The following ADAMTS3 variants were observed in gnomAD, a reference collection of about 807,000 sequenced individuals.
ADAMTS3 encodes A disintegrin and metalloproteinase with thrombospondin motifs 3.
In ADAMTS3, 73 loss-of-function variants were observed where a neutral mutation model predicts 129.0. The ratio of observed to expected loss-of-function variants is 0.57; its 90% CI spans 0.47 to 0.69. The LOEUF (loss-of-function observed/expected upper bound fraction) is 0.69. ADAMTS3 is among the 30% of genes least tolerant of loss of function. The pLI, the probability that ADAMTS3 is intolerant of heterozygous loss-of-function variation, is 0.00. For missense variants in ADAMTS3, 1,457 were observed against 1,514.5 expected (o/e 0.96, Z 0.63); for synonymous variants, 477 against 510.8 (o/e 0.93, Z 0.89).
In ADAMTS3 at chr4:72,509,807, T is replaced by TA. The variant is rs35858183; in HGVS notation, c.504+38670dup. Among the ~76,000 whole-genome samples the TA allele has an allele frequency of 6.8e-3, 1,005 of 147,900 alleles. 2 individuals carry two copies. The highest frequency in any genetic ancestry group is 0.02 in the African/African-American group (806 of 40,740). On this transcript the variant is annotated intron_variant, in intron 3 of 21. Coordinates refer to ENST00000286657, the MANE Select transcript of ADAMTS3 (RefSeq NM_014243.3). Reference sequence around the variant, plus strand: ...TTACCAAAACCAGACAAAGACACATTAAAAAAAAAAAACTACAGGTGAGTA... The same window carrying TA: ...TTACCAAAACCAGACAAAGACACATTAAAAAAAAAAAAACTACAGGTGAGTA...
At chr4:72,372,834 T>C (rs1328205993) in intron 4 of ADAMTS3, among the ~76,000 whole-genome samples, 3 of 152,148 alleles carry the variant, frequency 2.0e-5, no homozygotes, top group Admixed American at 2.0e-4. Context: ...GAAGGACACA[T>C]AGTTTTATGT....
At chr4:72,301,905 G>A (rs942693360) in intron 17 of ADAMTS3, among the ~76,000 whole-genome samples, 1 of 152,028 alleles carries the variant, frequency 6.6e-6, no homozygotes, top group African/African-American at 2.4e-5. Flanking sequence ...ATGGGTCCAT[G>A]ACTGAGGGTT....
intron 3 of ADAMTS3, among the ~76,000 whole-genome samples, chr4:72,474,924 G>C (rs2109997955): frequency 6.6e-6 from 1 of 151,230 alleles, no homozygotes; most frequent in South Asian, 2.1e-4. Flanking sequence ...CTACTTGGGA[G>C]GCTGAGGCAG....
At chr4:72,418,188 T>C (rs888021790) in intron 3 of ADAMTS3, among the ~76,000 whole-genome samples, 9 of 151,964 alleles carry the variant, frequency 5.9e-5, no homozygotes, top group Admixed American at 1.3e-4. Flanking sequence ...GTAGGAACAG[T>C]TGATTTTTCA....
chr4:72,541,900 T>C (rs1721337658), intron 3 of ADAMTS3, among the ~76,000 whole-genome samples: 1 of 152,172 alleles, frequency 6.6e-6, no homozygotes, highest in Non-Finnish European at 1.5e-5. Context: ...TGGACTAATA[T>C]ACACCCTAAA....
chr4:72,371,343 TA>T (rs879725777), intron 4 of ADAMTS3, among the ~76,000 whole-genome samples: 39 of 150,776 alleles, frequency 2.6e-4, no homozygotes, highest in Non-Finnish European at 5.5e-4. Context: ...AAGGTTAAAA[TA>T]AAAAAATTAA....
At chr4:72,328,247 G>A (rs1719748233) in intron 5 of ADAMTS3, among the ~76,000 whole-genome samples, 1 of 152,190 alleles carries the variant, frequency 6.6e-6, no homozygotes, top group African/African-American at 2.4e-5. Context: ...ATGACCTGAT[G>A]TTGGAAGAGT....
chr4:72,567,797 C>G (rs1041210268), intron 1 of ADAMTS3, among the ~76,000 whole-genome samples: 1 of 152,210 alleles, frequency 6.6e-6, no homozygotes, highest in African/African-American at 2.4e-5. Flanking sequence ...CAATTCTCTA[C>G]TTTTTACCCT....
At chr4:72,461,977 A>G (rs1296673069) in intron 3 of ADAMTS3, among the ~76,000 whole-genome samples, 1 of 151,956 alleles carries the variant, frequency 6.6e-6, no homozygotes, top group Non-Finnish European at 1.5e-5. Context: ...ACATAAATTT[A>G]TCAAGCATTT....
At chr4:72,458,850 A>C (rs1472281679) in intron 3 of ADAMTS3, among the ~76,000 whole-genome samples, 2 of 151,604 alleles carry the variant, frequency 1.3e-5, no homozygotes, top group Admixed American at 1.3e-4. Context: ...ACAAGGCTGA[A>C]TGTAACCAGG....
chr4:72,556,381 C>T (rs2623538), intron 2 of ADAMTS3, among the ~76,000 whole-genome samples: 146,172 of 151,756 alleles, frequency 0.96, 70,803 homozygotes, highest in East Asian at 1. Flanking sequence ...TAGGGGATAC[C>T]AGATGTCCCC....
chr4:72,323,778 G>A (rs946541475), intron 5 of ADAMTS3, among the ~76,000 whole-genome samples: 29 of 152,100 alleles, frequency 1.9e-4, no homozygotes, highest in African/African-American at 6.8e-4. Context: ...AAAAAATTAG[G>A]CTGAAATTTC....
At chr4:72,508,212 T>C (rs573659647) in intron 3 of ADAMTS3, among the ~76,000 whole-genome samples, 1 of 152,272 alleles carries the variant, frequency 6.6e-6, no homozygotes, top group Non-Finnish European at 1.5e-5. Flanking sequence ...CTCCTCTCTA[T>C]AAATTACAGC....
At chr4:72,541,252 C>T (rs566871354) in intron 3 of ADAMTS3, among the ~76,000 whole-genome samples, 15 of 152,302 alleles carry the variant, frequency 9.8e-5, no homozygotes, top group African/African-American at 2.9e-4. Context: ...TGCTGGATTT[C>T]GAACTTGCAT....
At position 72,281,130 on chromosome 4, in the gene ADAMTS3, C is replaced by G. The variant is rs1005034699; in HGVS notation, c.*2006G>C. Reference sequence around the variant, plus strand: ...ATCTTTATGGAAACTGTTTGTGTGACCATCTTTATCTTCCCCTGTGGATGA... The same window carrying G: ...ATCTTTATGGAAACTGTTTGTGTGAGCATCTTTATCTTCCCCTGTGGATGA... On this transcript the variant is annotated 3_prime_UTR_variant, in exon 22 of 22. Coordinates refer to ENST00000286657, the MANE Select transcript of ADAMTS3 (RefSeq NM_014243.3). 2 of 152,434 alleles carry G rather than the reference C, an allele frequency of 1.3e-5. No homozygotes were observed. Among genetic ancestry groups the G allele is most frequent in the Non-Finnish European group, 2.9e-5 (2 of 67,996 alleles). 9.4% of individuals were successfully genotyped at this position (152,434 alleles called of 1,614,324 possible).
intron 4 of ADAMTS3, among the ~76,000 whole-genome samples, chr4:72,392,394 C>T (rs1000780092): frequency 6.6e-6 from 1 of 152,162 alleles, no homozygotes; most frequent in African/African-American, 2.4e-5. Context: ...ACCACCCTAT[C>T]CCATCACAAA....
At chr4:72,347,826 AG>A (rs1452268991) in intron 4 of ADAMTS3, among the ~76,000 whole-genome samples, 1 of 151,954 alleles carries the variant, frequency 6.6e-6, no homozygotes, top group Non-Finnish European at 1.5e-5. Context: ...CTAGAAATTA[AG>A]GTTTTCTAAA....
intron 16 of ADAMTS3, among the ~76,000 whole-genome samples, chr4:72,304,647 G>A (rs1233986572): frequency 6.6e-6 from 1 of 151,858 alleles, no homozygotes; most frequent in Non-Finnish European, 1.5e-5. Flanking sequence ...ACTGCTAATG[G>A]AATTCTTAAT....
At chr4:72,340,655 T>TAC (rs1378516796) in intron 4 of ADAMTS3, among the ~76,000 whole-genome samples, 1 of 151,900 alleles carries the variant, frequency 6.6e-6, no homozygotes, top group Admixed American at 6.6e-5. Flanking sequence ...CATACACACA[T>TAC]ACACACACAT....
Sources: gnomAD v4.1 joint callset for allele counts (sites outside exome capture counted in the v4.1 genomes callset) on GRCh38, gnomAD v4.1.1 for gene constraint, MANE v1.5 for transcripts, NCBI Gene and HGNC (gene_info 2026-07-23, HGNC 2026-07-21) for gene names.